The following DNAJC5B variants were observed in gnomAD, a reference collection of about 807,000 sequenced individuals.
DNAJC5B encodes the protein DnaJ heat shock protein family (Hsp40) member C5 beta, also known as dnaJ homolog subfamily C member 5B.
In DNAJC5B, 23 loss-of-function variants were observed where a neutral mutation model predicts 24.7. The ratio of observed to expected loss-of-function variants is 0.93; its 90% confidence interval spans 0.67 to 1.32. The LOEUF (loss-of-function observed/expected upper bound fraction) is 1.32, where lower values mean the gene tolerates loss of function less well. Among genes scored for constraint, DNAJC5B ranks in the 40% most tolerant of loss-of-function variants. The probability of loss-of-function intolerance (pLI) is 0.00; values close to 1 mark genes in which losing one functional copy is unlikely to be tolerated. For missense variants in DNAJC5B, 238 were observed against 240.8 expected (o/e 0.99, Z 0.08); for synonymous variants, 101 against 90.1 (o/e 1.12, Z -0.68).
intron 1 of DNAJC5B, among the ~76,000 whole-genome samples, chr8:66,035,381 G>A (rs952923482): frequency 2.6e-5 from 4 of 152,234 alleles, no homozygotes; most frequent in African/African-American, 9.6e-5. Context: ...CTTTGGAGAT[G>A]TCATTAAGAT....
intron 4 of DNAJC5B, among the ~76,000 whole-genome samples, chr8:66,077,613 T>C (rs1465385616): frequency 6.6e-6 from 1 of 152,232 alleles, no homozygotes; most frequent in African/African-American, 2.4e-5. Context: ...ATACATGTAG[T>C]CCATCAACAT....
chr8:66,099,581 A>T (rs986218887), intron 5 of DNAJC5B, among the ~76,000 whole-genome samples: 1 of 152,222 alleles, frequency 6.6e-6, no homozygotes, highest in Non-Finnish European at 1.5e-5. Flanking sequence ...TCTATATGAA[A>T]GGTGCCCTTT....
At chr8:66,081,157 G>A (rs1470970366) in intron 5 of DNAJC5B, among the ~76,000 whole-genome samples, 2 of 152,086 alleles carry the variant, frequency 1.3e-5, no homozygotes, top group Non-Finnish European at 2.9e-5. Context: ...TGACTGTGAT[G>A]TAGTACTTGA....
chr8:66,087,652 G>A (rs1167898390), intron 5 of DNAJC5B, among the ~76,000 whole-genome samples: 8 of 152,222 alleles, frequency 5.3e-5, no homozygotes, highest in African/African-American at 1.9e-4. Flanking sequence ...TTCCAAATGG[G>A]AGAAACTGGT....
chr8:66,022,633 C>T (rs1382298225), intron 1 of DNAJC5B, among the ~76,000 whole-genome samples: 1 of 152,230 alleles, frequency 6.6e-6, no homozygotes, highest in Non-Finnish European at 1.5e-5. Context: ...CAGGACACAA[C>T]TCTAACTCTC....
chr8:66,095,770 G>A (rs1807940026), intron 5 of DNAJC5B, among the ~76,000 whole-genome samples: 1 of 150,334 alleles, frequency 6.7e-6, no homozygotes, highest in South Asian at 2.1e-4. Flanking sequence ...TTTTCTTTAA[G>A]CTAGGCCTGT....
chr8:66,027,297 G>C (rs886831398), intron 1 of DNAJC5B, among the ~76,000 whole-genome samples: 1 of 152,196 alleles, frequency 6.6e-6, no homozygotes, highest in African/African-American at 2.4e-5. Flanking sequence ...CTCTTCCATA[G>C]ACATCTTCCT....
At chr8:66,058,499 C>T (rs1197131653) in intron 3 of DNAJC5B, among the ~76,000 whole-genome samples, 2 of 152,224 alleles carry the variant, frequency 1.3e-5, no homozygotes, top group African/African-American at 4.8e-5. Context: ...GGAATCACAA[C>T]TTCCCACTAC....
In DNAJC5B at chr8:66,099,925, G is replaced by T. The variant is rs1808037062; in HGVS notation, c.506-12G>T. The stretch of plus-strand genomic sequence containing the variant: ...ATGAGAGTGTTTATTGCTTTGCTTT[G>T]TTTATTTTTAGATGTGGACTTTCCA... On this transcript the variant is annotated splice_polypyrimidine_tract_variant and intron_variant, in intron 5 of 5. Transcript: ENST00000276570. 1 of 1,611,678 alleles carries T rather than the reference G, an allele frequency of 6.2e-7. No homozygotes were observed. The highest frequency in any genetic ancestry group is 1.3e-5 in the African/African-American group (1 of 74,866).
intron 4 of DNAJC5B, 53 bp from the exon 5 acceptor site, chr8:66,080,324 C>T (rs1474990255): frequency 4.4e-6 from 7 of 1,579,102 alleles, no homozygotes; most frequent in Non-Finnish European, 6.0e-6. Context: ...CATGGGTTCT[C>T]CCCTCACCCC....
intron 2 of DNAJC5B, among the ~76,000 whole-genome samples, chr8:66,044,532 C>A: frequency 6.6e-6 from 1 of 151,572 alleles, no homozygotes; most frequent in African/African-American, 2.4e-5. Context: ...CCGTAGGACC[C>A]CTGGAATTAG....
chr8:66,098,883 T>C (rs1405717702), intron 5 of DNAJC5B, among the ~76,000 whole-genome samples: 4 of 152,186 alleles, frequency 2.6e-5, no homozygotes, highest in African/African-American at 9.6e-5. Context: ...CTGTGTCTGA[T>C]AAAAGCAGTT....
chr8:66,080,584 A>G (rs370767323), intron 5 of DNAJC5B, 36 bp downstream of exon 5: 5 of 1,540,320 alleles, frequency 3.2e-6, no homozygotes, highest in Non-Finnish European at 4.4e-6. Flanking sequence ...GTGAGTGTCC[A>G]TTCATAGGCC....
At chr8:66,071,595 C>T (rs546916266) in intron 3 of DNAJC5B, among the ~76,000 whole-genome samples, 15 of 152,102 alleles carry the variant, frequency 9.9e-5, no homozygotes, top group South Asian at 2.1e-4. Context: ...TGCTTTTACA[C>T]GTTAGTGGGA....
chr8:66,072,008 A>C (rs569036197), intron 3 of DNAJC5B, among the ~76,000 whole-genome samples: 134 of 127,176 alleles, frequency 1.1e-3, no homozygotes, highest in Non-Finnish European at 1.3e-3. Flanking sequence ...ATGAGAGCAC[A>C]TGGACATAGG....
intron 2 of DNAJC5B, among the ~76,000 whole-genome samples, chr8:66,048,599 G>T (rs1005278292): frequency 3.3e-5 from 5 of 152,070 alleles, no homozygotes; most frequent in African/African-American, 1.2e-4. Flanking sequence ...CTCTGAGCTA[G>T]ATCCCAATCA....
intron 2 of DNAJC5B, among the ~76,000 whole-genome samples, chr8:66,050,400 C>T (rs1563594557): frequency 6.6e-6 from 1 of 152,114 alleles, no homozygotes; most frequent in Non-Finnish European, 1.5e-5. Flanking sequence ...TGCAGGTGGA[C>T]CCAAGAACAA....
intron 3 of DNAJC5B, among the ~76,000 whole-genome samples, chr8:66,060,907 T>C (rs1004208496): frequency 2.6e-5 from 4 of 152,118 alleles, no homozygotes; most frequent in African/African-American, 4.8e-5. Context: ...AAACCTGTTT[T>C]AAATAGGGCC....
chr8:66,049,232 T>G lies in DNAJC5B; in HGVS notation c.-17-2299T>G, dbSNP rs191285973. On this transcript the variant is annotated intron_variant, in intron 2 of 5. Transcript: ENST00000276570. The stretch of plus-strand genomic sequence containing the variant: ...TGACATCATAGTTGTCATAATGTAG[T>G]GTGACACATGATTCATGTCTGTGAC... Among the ~76,000 whole-genome samples the G allele has an allele frequency of 2.3e-3, 355 of 152,358 alleles. 2 individuals carry two copies. Among genetic ancestry groups the G allele is most frequent in the African/African-American group, 8.3e-3 (344 of 41,586 alleles).
Sources: gnomAD v4.1 joint callset for allele counts (sites outside exome capture counted in the v4.1 genomes callset) on GRCh38, gnomAD v4.1.1 for gene constraint, MANE v1.5 for transcripts, NCBI Gene and HGNC (gene_info 2026-07-23, HGNC 2026-07-21) for gene names.